The following ANKH variants were observed in gnomAD, a reference collection of about 807,000 sequenced individuals.
The protein encoded by ANKH is ANKH inorganic pyrophosphate transport regulator, also known as mineralization regulator ANKH.
A neutral mutation model predicts 49.0 loss-of-function variants in ANKH; 15 were observed. That is an observed-to-expected ratio of 0.31 (90% CI 0.20 to 0.47). The LOEUF (loss-of-function observed/expected upper bound fraction) is 0.47, where lower values mean the gene tolerates loss of function less well. ANKH is among the 20% of genes least tolerant of loss of function. The pLI is 1.00. For synonymous variants in ANKH, 273 were observed against 260.0 expected (o/e 1.05, Z -0.48); for missense variants, 429 against 652.0 (o/e 0.66, Z 3.72).
intron 1 of ANKH, among the ~76,000 whole-genome samples, chr5:14,803,583 ATC>A (rs1208122567): frequency 6.6e-6 from 1 of 151,592 alleles, no homozygotes; most frequent in African/African-American, 2.4e-5. Flanking sequence ...CCCAGCTGCT[ATC>A]TCTTTTTTAA....
At position 14,760,714 on chromosome 5, in the gene ANKH, C is replaced by G. The variant is rs184032256; in HGVS notation, c.314-2116G>C. ...GCGAGTAGAGCAACGAACACAATGC[C>G]AAGTGCAAGAGCACAGGGCTGGCTA... On this transcript the variant is annotated intron_variant, in intron 2 of 11. Transcript: ENST00000284268. Among the ~76,000 whole-genome samples the G allele has an allele frequency of 1.6e-3, 251 of 152,316 alleles. 1 individual carries two copies. Among genetic ancestry groups the G allele is most frequent in the African/African-American group, 5.8e-3 (241 of 41,568 alleles).
intron 1 of ANKH, among the ~76,000 whole-genome samples, chr5:14,843,256 A>G (rs1250121921): frequency 6.7e-6 from 1 of 149,618 alleles, no homozygotes; most frequent in Non-Finnish European, 1.5e-5. Flanking sequence ...GCTCACTGCA[A>G]CCTCCGCCTC....
At chr5:14,840,882 C>T (rs546314671) in intron 1 of ANKH, among the ~76,000 whole-genome samples, 1 of 152,222 alleles carries the variant, frequency 6.6e-6, no homozygotes, top group East Asian at 1.9e-4. Flanking sequence ...GGAAAATGAA[C>T]GGGAAAACAG....
chr5:14,787,930 G>A (rs1034564842), intron 1 of ANKH, among the ~76,000 whole-genome samples: 4 of 152,168 alleles, frequency 2.6e-5, no homozygotes, highest in Admixed American at 1.3e-4. Flanking sequence ...CTCCCTGTTG[G>A]ACTCACTTTC....
At chr5:14,858,756 AATAAAAT>A in intron 1 of ANKH, among the ~76,000 whole-genome samples, 1 of 62,536 alleles carries the variant, frequency 1.6e-5, no homozygotes, top group Non-Finnish European at 3.3e-5. Flanking sequence ...TAAATAAATA[AATAAAAT>A]AAAATAAAAT....
chr5:14,774,643 T>A (rs913667586), intron 1 of ANKH, among the ~76,000 whole-genome samples: 2 of 152,140 alleles, frequency 1.3e-5, no homozygotes, highest in African/African-American at 4.8e-5. Context: ...ACCTACTGTT[T>A]GCTTTATCTG....
intron 1 of ANKH, among the ~76,000 whole-genome samples, chr5:14,853,658 T>G (rs958728350): frequency 1.2e-4 from 18 of 151,970 alleles, no homozygotes; most frequent in East Asian, 1.9e-4. Flanking sequence ...GATGTGTGGG[T>G]TTTTTTTGTT....
At chr5:14,719,537 T>C (rs990441445) in intron 8 of ANKH, among the ~76,000 whole-genome samples, 6 of 151,988 alleles carry the variant, frequency 3.9e-5, no homozygotes, top group African/African-American at 1.2e-4. Context: ...CTACCTAATG[T>C]GCTTGAATAC....
intron 1 of ANKH, among the ~76,000 whole-genome samples, chr5:14,862,463 C>T (rs769789532): frequency 4.6e-5 from 7 of 152,132 alleles, no homozygotes; most frequent in Non-Finnish European, 8.8e-5. Flanking sequence ...CAAAGAAAAA[C>T]AACACCTGGG....
At chr5:14,830,367 A>C (rs1471936899) in intron 1 of ANKH, among the ~76,000 whole-genome samples, 1 of 152,184 alleles carries the variant, frequency 6.6e-6, no homozygotes, top group East Asian at 1.9e-4. Flanking sequence ...AGGTGGCGAC[A>C]GCATGAGTAG....
chr5:14,865,085 AC>A (rs1275375928), intron 1 of ANKH, among the ~76,000 whole-genome samples: 1 of 152,096 alleles, frequency 6.6e-6, no homozygotes, highest in African/African-American at 2.4e-5. Flanking sequence ...ACATGGAGAA[AC>A]CCTGTCACTA....
chr5:14,802,421 T>C (rs1411199903), intron 1 of ANKH, among the ~76,000 whole-genome samples: 4 of 152,172 alleles, frequency 2.6e-5, no homozygotes, highest in African/African-American at 4.8e-5. Context: ...TTACTTCTCA[T>C]GGAGTTTGCT....
Position 14,746,169 on chromosome 5 carries a change from T to G in ANKH, c.823-207A>C, listed in dbSNP as rs1679140. ...GGCTCCTAGGGGCAGGTACTCTGCC[T>G]CATCCCTGGGAGTGCAATGAGCCAG... On this transcript the variant is annotated intron_variant, in intron 6 of 11. Coordinates refer to ENST00000284268, the MANE Select transcript of ANKH (RefSeq NM_054027.6). Among the ~76,000 whole-genome samples, 48,291 of 151,726 alleles carry G rather than the reference T, an allele frequency of 0.32. 8,814 individuals are homozygous for G. The highest frequency in any genetic ancestry group is 0.51 in the African/African-American group (21,094 of 41,282).
At chr5:14,728,280 G>A (rs1737884118) in intron 8 of ANKH, among the ~76,000 whole-genome samples, 2 of 152,240 alleles carry the variant, frequency 1.3e-5, no homozygotes, top group Admixed American at 6.5e-5. Context: ...CCAGGTCACC[G>A]GCTGGTAAAG....
chr5:14,792,126 T>C lies in ANKH; in HGVS notation c.97-22935A>G, dbSNP rs1367979945. Among the ~76,000 whole-genome samples the C allele has an allele frequency of 5.9e-5, 9 of 152,144 alleles. No homozygotes were observed. In the East Asian group the frequency reaches 1.7e-3, roughly 29 times the overall value. On this transcript the variant is annotated intron_variant, in intron 1 of 11. Coordinates refer to ENST00000284268, the MANE Select transcript of ANKH (RefSeq NM_054027.6). ...GTACAGGGAGTGCCAGAGCTCAGCC[T>C]GCTCTGGGCTCAAGAGAGGAACAGA...
chr5:14,860,648 A>G lies in ANKH; in HGVS notation c.96+10704T>C, dbSNP rs369074030. Among the ~76,000 whole-genome samples the G allele has an allele frequency of 3.9e-5, 6 of 152,316 alleles. No homozygotes were observed. The South Asian group carries it at 1.0e-3, about 26-fold the overall frequency. ...AGCATACAAACTTCTTATCACCTTA[A>G]AAACAGTTTTGGAAACACAAAGCAG... On this transcript the variant is annotated intron_variant, in intron 1 of 11. Coordinates refer to ENST00000284268, the MANE Select transcript of ANKH (RefSeq NM_054027.6).
chr5:14,819,300 A>G (rs1278461728), intron 1 of ANKH, among the ~76,000 whole-genome samples: 1 of 152,238 alleles, frequency 6.6e-6, no homozygotes, highest in Non-Finnish European at 1.5e-5. Flanking sequence ...TATGGGCAGG[A>G]AATAGGCCGA....
At chr5:14,798,215 G>C in intron 1 of ANKH, 1 of 1,595,338 alleles carries the variant, frequency 6.3e-7, no homozygotes, top group Non-Finnish European at 8.6e-7. Context: ...GTCGATGAAG[G>C]CTGAAATCTT....
chr5:14,830,275 C>A (rs992094620), intron 1 of ANKH, among the ~76,000 whole-genome samples: 3 of 152,248 alleles, frequency 2.0e-5, no homozygotes, highest in Admixed American at 6.5e-5. Context: ...CATATCAGAT[C>A]GAGAAGACAC....
Sources: gnomAD v4.1 joint callset for allele counts (sites outside exome capture counted in the v4.1 genomes callset) on GRCh38, gnomAD v4.1.1 for gene constraint, MANE v1.5 for transcripts, NCBI Gene and HGNC (gene_info 2026-07-23, HGNC 2026-07-21) for gene names.